The following VASH1 variants were observed in gnomAD, a reference collection of about 807,000 sequenced individuals.
The protein encoded by VASH1 is tubulinyl-Tyr carboxypeptidase 1.
VASH1 carries 16 observed loss-of-function variants against 35.0 expected under a neutral mutation model. That is an observed-to-expected ratio of 0.46 (90% confidence interval 0.31 to 0.70). VASH1 has a LOEUF of 0.70. Ranked by LOEUF, VASH1 falls within the 30% of genes least tolerant of loss-of-function variation. VASH1 has a pLI of 0.05. For missense variants in VASH1, 505 were observed against 510.7 expected (o/e 0.99, Z 0.11); for synonymous variants, 214 against 200.9 (o/e 1.07, Z -0.55).
At chr14:76,768,960 G>T (rs1893718215) in intron 1 of VASH1, among the ~76,000 whole-genome samples, 1 of 152,190 alleles carries the variant, frequency 6.6e-6, no homozygotes, top group African/African-American at 2.4e-5. Flanking sequence ...TTCTACCCAA[G>T]GAAGTCTGTT....
In VASH1 at chr14:76,778,059, G is replaced by T; in HGVS notation, c.1013G>T (p.Arg338Leu). The stretch of plus-strand genomic sequence containing the variant: ...TCCAGCCCCCACCGCAGGAACAGCC[G>T]CAGTGAAAGACGGTGAGAGAGGGAC... ...AQSSPHRRNSRSERRPSGDKK... is the reference protein window; with the variant it reads ...AQSSPHRRNSLSERRPSGDKK... Residue 338 changes from arginine (R) to leucine (L), a missense_variant, in exon 6 of 7, where the codon CGC (arginine) becomes CTC (leucine). Transcript: ENST00000167106. 1 of 1,503,486 alleles carries T rather than the reference G, an allele frequency of 6.7e-7. No individual in the cohort carries two copies. Among genetic ancestry groups the T allele is most frequent in the Non-Finnish European group, 8.9e-7 (1 of 1,126,922 alleles). The allele number at this position is 1,503,486 out of a possible 1,614,324, so 93.1% of individuals were successfully genotyped here. A position where few individuals can be genotyped will look rare whatever the true frequency, so the allele number is the denominator to read the frequency against.
At chr14:76,768,422 C>A (rs572252057) in intron 1 of VASH1, among the ~76,000 whole-genome samples, 1 of 152,246 alleles carries the variant, frequency 6.6e-6, no homozygotes, top group Admixed American at 6.5e-5. Context: ...TAGGGACTCC[C>A]CAGACAGGAA....
intron 1 of VASH1, among the ~76,000 whole-genome samples, chr14:76,764,144 G>T (rs1033374148): frequency 3.3e-5 from 5 of 152,232 alleles, no homozygotes; most frequent in East Asian, 1.9e-4. Context: ...AAGGAAGGGG[G>T]CTAGGAAGAA....
In VASH1 at chr14:76,779,328, ATG is replaced by A. The variant is rs781177281; in HGVS notation, c.*314_*315del. The A allele has an allele frequency of 2.8e-6, 2 of 701,914 alleles. No homozygotes were observed. Among genetic ancestry groups the A allele is most frequent in the Non-Finnish European group, 5.2e-6 (2 of 384,644 alleles). The allele number at this position is 701,914 out of a possible 1,614,324, so 43.5% of individuals were successfully genotyped here. A position where few individuals can be genotyped will look rare whatever the true frequency, so the allele number is the denominator to read the frequency against. On this transcript the variant is annotated 3_prime_UTR_variant, in exon 7 of 7. Coordinates refer to ENST00000167106, the MANE Select transcript of VASH1 (RefSeq NM_014909.5). The stretch of plus-strand genomic sequence containing the variant: ...GGGAAGGCCAGTGCTTAACAAATCC[ATG>A]TGTCATGGGGCCAGGTGAGGGAAAC...
Position 76,779,148 on chromosome 14 carries a change from C to A in VASH1, c.*130C>A. The A allele has an allele frequency of 9.7e-7, 1 of 1,035,130 alleles. No individual in the cohort carries two copies. The highest frequency in any genetic ancestry group is 1.5e-6 in the Non-Finnish European group (1 of 679,072). 64.1% of individuals were successfully genotyped at this position (1,035,130 alleles called of 1,614,324 possible). ...CAAGAGGCTGCAGGAAGAGTGTGTT[C>A]CAGCTCAGCCCCCCAAGCTGCTCTC... On this transcript the variant is annotated 3_prime_UTR_variant, in exon 7 of 7. Coordinates refer to ENST00000167106, the MANE Select transcript of VASH1 (RefSeq NM_014909.5).
At chr14:76,772,187 C>G (rs1332839083) in intron 3 of VASH1, among the ~76,000 whole-genome samples, 2 of 152,094 alleles carry the variant, frequency 1.3e-5, no homozygotes, top group Non-Finnish European at 2.9e-5. Context: ...TTACAGTGAG[C>G]CGAGATCACG....
rs1161423330 is a variant in VASH1 at position 76,782,959 on chromosome 14, C to T, written c.*3941C>T. 2 of 152,754 alleles carry T rather than the reference C, an allele frequency of 1.3e-5. No homozygotes were observed. The highest frequency in any genetic ancestry group is 2.9e-5 in the Non-Finnish European group (2 of 68,114). The allele number at this position is 152,754 out of a possible 1,614,324, so 9.5% of individuals were successfully genotyped here. On this transcript the variant is annotated 3_prime_UTR_variant, in exon 7 of 7. Transcript: ENST00000167106. ...TCATCTCATTCCTGTTGTCACTTTCCCCGAAACGAATAAAGTCTCCCCAGC... is the reference window on the plus strand; with the variant it reads ...TCATCTCATTCCTGTTGTCACTTTCTCCGAAACGAATAAAGTCTCCCCAGC...
intron 1 of VASH1, 99 bp downstream of exon 1, chr14:76,763,229 C>T (rs1595265512): frequency 3.3e-6 from 4 of 1,218,114 alleles, no homozygotes; most frequent in South Asian, 2.9e-5. Flanking sequence ...GGCAGGGGAC[C>T]ACTGGCTCGG....
rs117676694 is a variant in VASH1 at position 76,778,825 on chromosome 14, G to A, written c.1026-121G>A. ...CACTTCCATACGCACTGTGCTGTGCGTTGGAGGGCCACTTGGAGAATGTGG... is the reference window on the plus strand; with the variant it reads ...CACTTCCATACGCACTGTGCTGTGCATTGGAGGGCCACTTGGAGAATGTGG... On this transcript the variant is annotated intron_variant, in intron 6 of 6. Coordinates refer to ENST00000167106, the MANE Select transcript of VASH1 (RefSeq NM_014909.5). The A allele has an allele frequency of 1.2e-3, 1,134 of 964,158 alleles. 14 individuals carry two copies. The East Asian group carries it at 0.022, about 19-fold the overall frequency. 59.7% of individuals were successfully genotyped at this position (964,158 alleles called of 1,614,324 possible).
In VASH1 at chr14:76,762,586, C is replaced by T; in HGVS notation, c.-236C>T. The T allele has an allele frequency of 5.1e-6, 2 of 393,026 alleles. No individual in the cohort carries two copies. Among genetic ancestry groups the T allele is most frequent in the Non-Finnish European group, 9.3e-6 (2 of 216,024 alleles). The allele number at this position is 393,026 out of a possible 1,614,324, so 24.3% of individuals were successfully genotyped here. ...GGTGTGTTCTCTTTATTCCGTTTTT[C>T]AAACAGAACAAGGCCTCCAAGGCTG... On this transcript the variant is annotated 5_prime_UTR_variant, in exon 1 of 7. An upstream open reading frame in the 5' UTR gains an earlier in-frame stop. Transcript: ENST00000167106.
Position 76,781,980 on chromosome 14 carries a change from C to G in VASH1, c.*2962C>G, listed in dbSNP as rs1894121259. ...CCCCCAGTTCAGGACTGTCTTTCAGCTCCTTTGCCCCTGGAGGTGGGGGCT... is the reference window on the plus strand; with the variant it reads ...CCCCCAGTTCAGGACTGTCTTTCAGGTCCTTTGCCCCTGGAGGTGGGGGCT... On this transcript the variant is annotated 3_prime_UTR_variant, in exon 7 of 7. Transcript: ENST00000167106. 6.6e-6 allele frequency: 1 copy of G among 152,566 alleles called. No homozygotes were observed. Among genetic ancestry groups the G allele is most frequent in the South Asian group, 2.1e-4 (1 of 4,826 alleles). 9.5% of individuals were successfully genotyped at this position (152,566 alleles called of 1,614,324 possible). A position where few individuals can be genotyped will look rare whatever the true frequency, so the allele number is the denominator to read the frequency against.
At chr14:76,775,270 T>A (rs549279003) in intron 4 of VASH1, among the ~76,000 whole-genome samples, 1 of 152,182 alleles carries the variant, frequency 6.6e-6, no homozygotes, top group South Asian at 2.1e-4. Context: ...GCAGCCAACT[T>A]TGGCAGGCAG....
chr14:76,771,696 G>A (rs1199433247), intron 3 of VASH1, among the ~76,000 whole-genome samples: 3 of 152,178 alleles, frequency 2.0e-5, no homozygotes, highest in South Asian at 2.1e-4. Context: ...GCCTTACTCC[G>A]TGGACTCTTT....
At chr14:76,771,690 T>C (rs1181073514) in intron 3 of VASH1, among the ~76,000 whole-genome samples, 1 of 152,224 alleles carries the variant, frequency 6.6e-6, no homozygotes, top group African/African-American at 2.4e-5. Flanking sequence ...CCATTTGCCT[T>C]ACTCCGTGGA....
chr14:76,779,265 T>C lies in VASH1; in HGVS notation c.*247T>C. ...AACTCTACAACTGAAGTTTAAGGTA[T>C]TTGGGGAAAACTTAGTCCAAATGGA... On this transcript the variant is annotated 3_prime_UTR_variant, in exon 7 of 7. Transcript: ENST00000167106. The C allele has an allele frequency of 1.4e-6, 1 of 701,350 alleles. No homozygotes were observed. The highest frequency in any genetic ancestry group is 2.0e-5 in the Admixed American group (1 of 49,788). 43.4% of individuals were successfully genotyped at this position (701,350 alleles called of 1,614,324 possible). A position where few individuals can be genotyped will look rare whatever the true frequency, so the allele number is the denominator to read the frequency against.
intron 2 of VASH1, 30 bp downstream of exon 2, chr14:76,770,081 C>A (rs767785457): frequency 6.3e-7 from 1 of 1,595,090 alleles, no homozygotes; most frequent in Non-Finnish European, 8.6e-7. Context: ...GTCATGGCCA[C>A]CTTCTGGCCG....
At chr14:76,765,621 C>G (rs1893622788) in intron 1 of VASH1, among the ~76,000 whole-genome samples, 1 of 152,206 alleles carries the variant, frequency 6.6e-6, no homozygotes, top group South Asian at 2.1e-4. Context: ...CAGGGTCATT[C>G]CCTACAGCGG....
chr14:76,765,199 AAAG>A (rs1469079677), intron 1 of VASH1, among the ~76,000 whole-genome samples: 1 of 144,920 alleles, frequency 6.9e-6, no homozygotes, highest in Admixed American at 7.2e-5. Context: ...GGGAACTAAA[AAAG>A]AAATAGTGAG....
Position 76,779,143 on chromosome 14 carries a change from G to C in VASH1, c.*125G>C. 9.1e-7 allele frequency: 1 copy of C among 1,101,436 alleles called. No homozygotes were observed. The highest frequency in any genetic ancestry group is 1.4e-6 in the Non-Finnish European group (1 of 734,818). The allele number at this position is 1,101,436 out of a possible 1,614,324, so 68.2% of individuals were successfully genotyped here. The stretch of plus-strand genomic sequence containing the variant: ...CAGGGCAAGAGGCTGCAGGAAGAGT[G>C]TGTTCCAGCTCAGCCCCCCAAGCTG... On this transcript the variant is annotated 3_prime_UTR_variant, in exon 7 of 7. Transcript: ENST00000167106.
Sources: allele counts gnomAD v4.1 joint callset (sites outside exome capture counted in the v4.1 genomes callset), GRCh38; gene constraint gnomAD v4.1.1; transcripts MANE v1.5; gene names NCBI Gene and HGNC (gene_info 2026-07-23, HGNC 2026-07-21).